Variants in BMP1 observed in about 807,000 individuals in gnomAD.
The protein encoded by BMP1 is mammalian tolloid protein.
Under a neutral mutation model 116.8 loss-of-function variants are expected in BMP1, and 63 were observed. That is an observed-to-expected ratio of 0.54 (90% CI 0.44 to 0.67). The LOEUF is 0.67. Ranked by LOEUF, BMP1 falls within the 30% of genes least tolerant of loss-of-function variation. BMP1 has a pLI of 0.00. For missense variants in BMP1, 1,183 were observed against 1,358.9 expected (o/e 0.87, Z 2.04); for synonymous variants, 536 against 533.4 (o/e 1.00, Z -0.07).
Position 22,177,954 on chromosome 8 carries a change from C to A in BMP1, c.833C>A (p.Ser278Tyr), listed in dbSNP as rs1828500872. Residue 278 changes from serine (S) to tyrosine (Y), a missense_variant, in exon 6 of 20, where the codon TCC becomes TAC. Transcript: ENST00000306385. ...ATGCATTACGCTCGGAACACATTCTCCAGGTGGGAGACGGGATTGGGGCTG... is the reference window on the plus strand; with the variant it reads ...ATGCATTACGCTCGGAACACATTCTACAGGTGGGAGACGGGATTGGGGCTG... ...SIMHYARNTF[S>Y]RGIFLDTIVP... is the part of the protein sequence containing the mutation. 2 of 1,606,786 alleles carry A rather than the reference C, an allele frequency of 1.2e-6. No individual in the cohort carries two copies. The highest frequency in any genetic ancestry group is 8.5e-7 in the Non-Finnish European group (1 of 1,174,482).
At position 22,196,690 on chromosome 8, in the gene BMP1, C is replaced by T. The variant is rs376152244; in HGVS notation, c.1776C>T (p.Gly592=). The T allele has an allele frequency of 5.0e-5, 80 of 1,613,920 alleles. No individual in the cohort carries two copies. Among genetic ancestry groups the T allele is most frequent in the Non-Finnish European group, 5.9e-5 (70 of 1,180,026 alleles). ...PDKRRCEAAC[G]GFLTKLNGSI... is the part of the protein sequence containing the mutation. The stretch of plus-strand genomic sequence containing the variant: ...TCCTTGTCCCCGCAGCTGCTTGTGG[C>T]GGATTCCTCACCAAGCTCAACGGCT... Residue 592 remains glycine, a synonymous_variant, in exon 14 of 20, where the codon GGC becomes GGT. Coordinates refer to ENST00000306385, the MANE Select transcript of BMP1 (RefSeq NM_006129.5).
chr8:22,200,997 C>CCCCCCCCCCCCCCAG, intron 15 of BMP1: 1 of 319,192 alleles, frequency 3.1e-6, no homozygotes, highest in Non-Finnish European at 6.2e-6. Context: ...CCTCCCGCCC[C>CCCCCCCCCCCCCCAG]ACCCTGCCCC....
At position 22,194,294 on chromosome 8, in the gene BMP1, A is replaced by G; in HGVS notation, c.1297+120A>G. On this transcript the variant is annotated intron_variant, in intron 10 of 19. Transcript: ENST00000306385. This position sits in a 1 kb window ranked among gnomAD's most constrained non-coding sequence, Gnocchi z 4.5. ...GGTTCCCAAGGGAAGAAGCAGAGAG[A>G]ATGATGGGATTGCCTGGGACTGGGG... 4.1e-6 allele frequency: 6 copies of G among 1,452,310 alleles called. No homozygotes were observed. Among genetic ancestry groups the G allele is most frequent in the Non-Finnish European group, 5.7e-6 (6 of 1,046,722 alleles). 90.0% of individuals were successfully genotyped at this position (1,452,310 alleles called of 1,614,324 possible). A position where few individuals can be genotyped will look rare whatever the true frequency, so the allele number is the denominator to read the frequency against.
At chr8:22,204,369 T>A (rs894846907) in intron 16 of BMP1, among the ~76,000 whole-genome samples, 5 of 152,214 alleles carry the variant, frequency 3.3e-5, no homozygotes, top group African/African-American at 4.8e-5. Context: ...CCTGGCCGCC[T>A]GTTTCCCCCA....
chr8:22,176,455 G>T, intron 3 of BMP1, 78 bp from the exon 4 acceptor site: 1 of 1,572,182 alleles, frequency 6.4e-7, no homozygotes, highest in Non-Finnish European at 8.7e-7. Context: ...CCCTCAGAAT[G>T]GCTGTGACTC....
chr8:22,167,262 G>A (rs955563958), intron 1 of BMP1, among the ~76,000 whole-genome samples: 21 of 152,160 alleles, frequency 1.4e-4, no homozygotes, highest in African/African-American at 3.1e-4. Context: ...GTACTGAGAC[G>A]TACAAGCTAG....
intron 9 of BMP1, 75 bp downstream of exon 9, chr8:22,192,226 C>A: frequency 7.4e-7 from 1 of 1,343,036 alleles, no homozygotes; most frequent in Non-Finnish European, 1.1e-6. Context: ...ACTCTTCATC[C>A]CCCTCCAGGG....
At position 22,173,692 on chromosome 8, in the gene BMP1, G is replaced by T; in HGVS notation, c.239G>T (p.Arg80Leu). The change falls in exon 2 of 20, where the codon CGT (arginine) becomes CTT (leucine). Residue 80 changes from arginine (R) to leucine (L), a missense_variant. By Grantham distance (102) the Arg-to-Leu change is moderately radical. Transcript: ENST00000306385. ...GTGGATCTCAGACGGCACACAGCTC[G>T]TAAGTCCTCCATCAAAGCTGCAGGT... ...QAVDLRRHTA[R>L]KSSIKAAVPG... The T allele has an allele frequency of 1.2e-6, 2 of 1,612,892 alleles. No homozygotes were observed. Among genetic ancestry groups the T allele is most frequent in the South Asian group, 1.1e-5 (1 of 90,982 alleles).
chr8:22,182,071 C>T (rs1310074738), intron 8 of BMP1, among the ~76,000 whole-genome samples: 1 of 152,174 alleles, frequency 6.6e-6, no homozygotes. Flanking sequence ...CTTCTGTGTC[C>T]ATATTTTTAT....
At chr8:22,203,766 C>T (rs899090277) in intron 16 of BMP1, among the ~76,000 whole-genome samples, 5 of 152,140 alleles carry the variant, frequency 3.3e-5, no homozygotes, top group Admixed American at 6.5e-5. Flanking sequence ...GGGCTTCCAA[C>T]CCTGTGACCT....
chr8:22,181,150 C>A (rs1828609733), intron 8 of BMP1, among the ~76,000 whole-genome samples: 1 of 152,198 alleles, frequency 6.6e-6, no homozygotes. Context: ...ATTTTCTGTG[C>A]CTGGCTCTCC....
intron 17 of BMP1, 91 bp from the exon 18 acceptor site, chr8:22,207,212 T>C (rs989009169): frequency 3.9e-5 from 57 of 1,444,876 alleles, no homozygotes; most frequent in Non-Finnish European, 5.2e-5. Context: ...CTCCCATGGG[T>C]ATCTGTGAGG....
chr8:22,192,210 C>T (rs1828955793), intron 9 of BMP1, 59 bp downstream of exon 9: 7 of 1,446,370 alleles, frequency 4.8e-6, no homozygotes, highest in Non-Finnish European at 6.8e-6. Context: ...GAGCCACCCT[C>T]ATCACACTCT....
intron 9 of BMP1, among the ~76,000 whole-genome samples, chr8:22,192,755 A>G (rs1369293378): frequency 1.3e-5 from 2 of 152,180 alleles, no homozygotes; most frequent in Non-Finnish European, 2.9e-5. Flanking sequence ...AGGTGCTTTA[A>G]TGAACCTAGA....
At position 22,209,614 on chromosome 8, in the gene BMP1, C is replaced by G. The variant is rs374251317; in HGVS notation, c.2745C>G (p.Thr915=). ...VFQTFEVEEE[T]DCGYDYMELF... is the part of the protein sequence containing the mutation. ...AGACCTTTGAGGTGGAGGAGGAGAC[C>G]GACTGCGGCTATGACTACATGGAGC... Residue 915 remains threonine (T), a synonymous_variant, in exon 19 of 20, where the codon ACC becomes ACG. Transcript: ENST00000306385. 2 of 1,614,174 alleles carry G rather than the reference C, an allele frequency of 1.2e-6. No individual in the cohort carries two copies. The highest frequency in any genetic ancestry group is 1.3e-5 in the African/African-American group (1 of 75,052).
rs1235287366 is a variant in BMP1, at chr8:22,196,672, C to A, written c.1766-8C>A. 6.2e-7 allele frequency: 1 copy of A among 1,613,842 alleles called. No homozygotes were observed. The highest frequency in any genetic ancestry group is 1.3e-5 in the African/African-American group (1 of 74,900). On this transcript the variant is annotated splice_region_variant and splice_polypyrimidine_tract_variant and intron_variant, in intron 13 of 19. Coordinates refer to ENST00000306385, the MANE Select transcript of BMP1 (RefSeq NM_006129.5). Reference sequence around the variant, plus strand: ...CCGCAGACGATGCCACCTTCCTTGTCCCCGCAGCTGCTTGTGGCGGATTCC... The same window carrying A: ...CCGCAGACGATGCCACCTTCCTTGTACCCGCAGCTGCTTGTGGCGGATTCC...
chr8:22,206,766 G>C (rs186168934), intron 16 of BMP1, 88 bp from the exon 17 acceptor site: 33 of 1,520,844 alleles, frequency 2.2e-5, no homozygotes, highest in Admixed American at 9.1e-5. Flanking sequence ...AAGAAAGGAG[G>C]GGGGGCAGGA....
At chr8:22,181,699 T>G in intron 8 of BMP1, among the ~76,000 whole-genome samples, 1 of 152,084 alleles carries the variant, frequency 6.6e-6, no homozygotes, top group East Asian at 1.9e-4. Context: ...ACTGCAGATG[T>G]GCGCTACCAT....
Position 22,211,779 on chromosome 8 carries a change from A to G in BMP1, c.*51A>G. The G allele has an allele frequency of 1.9e-6, 3 of 1,612,968 alleles. No individual in the cohort carries two copies. The highest frequency in any genetic ancestry group is 2.5e-6 in the Non-Finnish European group (3 of 1,179,662). ...TGGAGCCTGCTGCCCTTGGTCGCCT[A>G]GACTGGATAGTGGGGGTGGGCGGAA... On this transcript the variant is annotated 3_prime_UTR_variant, in exon 20 of 20. Transcript: ENST00000306385.
Sources: gnomAD v4.1 joint callset for allele counts (sites outside exome capture counted in the v4.1 genomes callset) on GRCh38, gnomAD v4.1.1 for gene constraint, Gnocchi (gnomAD v3.1) non-coding constraint, MANE v1.5 for transcripts, NCBI Gene and HGNC (gene_info 2026-07-23, HGNC 2026-07-21) for gene names.